The following RMDN2 variants were observed in gnomAD, a reference collection of about 807,000 sequenced individuals.
The protein encoded by RMDN2 is regulator of microtubule dynamics 2, also known as regulator of microtubule dynamics protein 2.
RMDN2 carries 61 observed loss-of-function variants against 52.8 expected under a neutral mutation model. The ratio of observed to expected loss-of-function variants is 1.16; its 90% CI spans 0.94 to 1.43. The LOEUF is 1.43. Among genes scored for constraint, RMDN2 ranks in the 40% most tolerant of loss-of-function variants. The pLI is 0.00. For synonymous variants in RMDN2, 180 were observed against 153.1 expected (o/e 1.18, Z -1.30); for missense variants, 592 against 475.3 (o/e 1.25, Z -2.28).
At chr2:37,961,608 C>G (rs1670251199) in intron 2 of RMDN2, among the ~76,000 whole-genome samples, 1 of 151,952 alleles carries the variant, frequency 6.6e-6, no homozygotes, top group Non-Finnish European at 1.5e-5. Flanking sequence ...TATCAAAGTT[C>G]TTAGCTTCCT....
chr2:37,935,952 G>A (rs956373628), intron 2 of RMDN2, among the ~76,000 whole-genome samples: 6 of 152,080 alleles, frequency 3.9e-5, no homozygotes, highest in African/African-American at 1.4e-4. Flanking sequence ...AGAACGTGCA[G>A]GTTTGTTAAC....
chr2:38,030,925 T>C (rs1372342730), intron 10 of RMDN2: 1 of 152,220 alleles, frequency 6.6e-6, no homozygotes, highest in Non-Finnish European at 1.5e-5. Context: ...CCTTTTCCTT[T>C]GTTTTCATTT....
chr2:37,932,447 C>G (rs1317768739), intron 2 of RMDN2, among the ~76,000 whole-genome samples: 1 of 150,700 alleles, frequency 6.6e-6, no homozygotes, highest in Non-Finnish European at 1.5e-5. Flanking sequence ...AATGAAAAGT[C>G]TCCCATGTCT....
intron 2 of RMDN2, among the ~76,000 whole-genome samples, chr2:37,965,511 C>T (rs912560076): frequency 6.6e-6 from 1 of 151,974 alleles, no homozygotes; most frequent in African/African-American, 2.4e-5. Flanking sequence ...CTTTCCAGCT[C>T]CACCACCCAT....
chr2:37,976,838 C>CT (rs891262560), intron 4 of RMDN2, among the ~76,000 whole-genome samples: 93 of 144,628 alleles, frequency 6.4e-4, no homozygotes, highest in African/African-American at 1.5e-3. Flanking sequence ...ACATTTTTTT[C>CT]TTTTTTTTTT....
intron 10 of RMDN2, among the ~76,000 whole-genome samples, chr2:38,064,491 A>G (rs926776352): frequency 6.7e-6 from 1 of 148,496 alleles, no homozygotes; most frequent in African/African-American, 2.5e-5. Context: ...CTCCATCTCA[A>G]AAAAAAAAAG....
intron 2 of RMDN2, chr2:37,950,700 T>G: frequency 2.8e-6 from 3 of 1,083,782 alleles, no homozygotes; most frequent in Non-Finnish European, 4.3e-6. Context: ...CTGGATATCC[T>G]GGACTGTCCA....
chr2:37,954,587 C>G (rs1184173912), intron 2 of RMDN2, among the ~76,000 whole-genome samples: 1 of 152,090 alleles, frequency 6.6e-6, no homozygotes, highest in Non-Finnish European at 1.5e-5. Context: ...CTGTACCATA[C>G]TGTTTTGGTT....
chr2:37,969,691 T>C lies in RMDN2; in HGVS notation c.453-4349T>C, dbSNP rs1293383163. On this transcript the variant is annotated intron_variant, in intron 2 of 10. Coordinates refer to ENST00000354545, the MANE Select transcript of RMDN2 (RefSeq NM_001170791.3). ...TCTTTTAATATTGTGCCAAAAAGACTTCCAGTACAATGTTGAATAGAAGAG... is the reference window on the plus strand; with the variant it reads ...TCTTTTAATATTGTGCCAAAAAGACCTCCAGTACAATGTTGAATAGAAGAG... 4.6e-5 allele frequency among the ~76,000 whole-genome samples: 7 copies of C among 152,218 alleles called. No homozygotes were observed. In the East Asian group the frequency reaches 1.2e-3, roughly 25 times the overall value.
intron 10 of RMDN2, among the ~76,000 whole-genome samples, chr2:38,013,927 C>T (rs1451003073): frequency 2.0e-5 from 3 of 152,182 alleles, no homozygotes; most frequent in East Asian, 3.9e-4. Context: ...AATAAGGCAG[C>T]CGGGCGTCGT....
intron 10 of RMDN2, among the ~76,000 whole-genome samples, chr2:38,007,698 T>A (rs765420917): frequency 2.6e-5 from 4 of 152,240 alleles, no homozygotes; most frequent in Admixed American, 6.5e-5. Context: ...TTTATGTCTC[T>A]GTTTCCTTCA....
chr2:38,003,828 A>T (rs1676685758), intron 8 of RMDN2, among the ~76,000 whole-genome samples, 163 bp from the exon 9 acceptor site: 1 of 152,214 alleles, frequency 6.6e-6, no homozygotes, highest in Non-Finnish European at 1.5e-5. Flanking sequence ...CACCCAAAAG[A>T]TACTTAAACT....
At chr2:37,954,203 G>C (rs1300457263) in intron 2 of RMDN2, among the ~76,000 whole-genome samples, 1 of 151,794 alleles carries the variant, frequency 6.6e-6, no homozygotes, top group Non-Finnish European at 1.5e-5. Context: ...TCGGTTTTGA[G>C]GTAGTCTAGT....
chr2:38,055,109 C>G (rs140882270), intron 10 of RMDN2, among the ~76,000 whole-genome samples: 10 of 152,136 alleles, frequency 6.6e-5, no homozygotes, highest in Non-Finnish European at 1.3e-4. Flanking sequence ...CACTCCTTCT[C>G]TATTTCCTCA....
At chr2:38,044,780 C>T (rs1465165868) in intron 10 of RMDN2, among the ~76,000 whole-genome samples, 1 of 152,020 alleles carries the variant, frequency 6.6e-6, no homozygotes, top group African/African-American at 2.4e-5. Context: ...TTATATTACC[C>T]ACCTATTCTT....
chr2:38,035,518 C>T (rs1169879367), intron 10 of RMDN2, among the ~76,000 whole-genome samples: 1 of 151,932 alleles, frequency 6.6e-6, no homozygotes, highest in Non-Finnish European at 1.5e-5. Flanking sequence ...GCAACAATAC[C>T]TACCAGATAA....
At chr2:38,049,994 A>C (rs1356564406) in intron 10 of RMDN2, among the ~76,000 whole-genome samples, 1 of 152,228 alleles carries the variant, frequency 6.6e-6, no homozygotes, top group Admixed American at 6.5e-5. Flanking sequence ...AGCTAATAGC[A>C]TGTGTTATTA....
At chr2:38,031,067 G>A (rs1440147235) in intron 10 of RMDN2, among the ~76,000 whole-genome samples, 1 of 152,080 alleles carries the variant, frequency 6.6e-6, no homozygotes, top group East Asian at 1.9e-4. Context: ...CCATAGGGAG[G>A]GAAAATGGTT....
Position 37,957,425 on chromosome 2 carries a change from C to T in RMDN2, c.453-16615C>T, listed in dbSNP as rs138405186. 1.1e-3 allele frequency among the ~76,000 whole-genome samples: 161 copies of T among 152,104 alleles called. 2 individuals carry two copies. In the East Asian group the frequency reaches 0.026, roughly 25 times the overall value. On this transcript the variant is annotated intron_variant, in intron 2 of 10. Coordinates refer to ENST00000354545, the MANE Select transcript of RMDN2 (RefSeq NM_001170791.3). The stretch of plus-strand genomic sequence containing the variant: ...TGACCAGTGATGATGAGCTTTTTTT[C>T]GTATGTTTGTTGGCTGCTTTTAAGA...
Sources: allele counts gnomAD v4.1 joint callset (sites outside exome capture counted in the v4.1 genomes callset), GRCh38; gene constraint gnomAD v4.1.1; transcripts MANE v1.5; gene names NCBI Gene and HGNC (gene_info 2026-07-23, HGNC 2026-07-21).